KDM4B: variants seen among roughly 807,000 people sequenced by gnomAD.
KDM4B encodes lysine-specific demethylase 4B.
A neutral mutation model predicts 125.2 loss-of-function variants in KDM4B; 32 were observed. The observed-to-expected ratio is 0.26, with a 90% CI of 0.19 to 0.34. KDM4B has a LOEUF of 0.34. Ranked by LOEUF, KDM4B falls within the 10% of genes least tolerant of loss-of-function variation. The probability of loss-of-function intolerance (pLI) is 1.00; values close to 1 mark genes in which losing one functional copy is unlikely to be tolerated. For missense variants in KDM4B, 1,190 were observed against 1,577.7 expected (o/e 0.75, Z 4.16); for synonymous variants, 721 against 677.9 (o/e 1.06, Z -0.99).
chr19:5,052,755 C>T (rs182962719), intron 6 of KDM4B, among the ~76,000 whole-genome samples: 1 of 152,382 alleles, frequency 6.6e-6, no homozygotes, highest in Admixed American at 6.5e-5. Context: ...AGCTGGCGAG[C>T]CCGTCCCAGG....
intron 1 of KDM4B, among the ~76,000 whole-genome samples, chr19:5,005,952 C>T (rs2035543529): frequency 2.6e-5 from 4 of 152,132 alleles, no homozygotes; most frequent in African/African-American, 7.2e-5. Context: ...CAAGAGGTGG[C>T]TTCTCATCCC....
At chr19:5,060,437 A>AAAAAAAAAAAAC (rs2037553458) in intron 6 of KDM4B, among the ~76,000 whole-genome samples, 1 of 89,790 alleles carries the variant, frequency 1.1e-5, no homozygotes, top group Non-Finnish European at 2.0e-5. Flanking sequence ...TGTCTCCAAA[A>AAAAAAAAAAAAC]AAAAAAAAAA....
intron 1 of KDM4B, among the ~76,000 whole-genome samples, chr19:5,015,798 C>A (rs552450897): frequency 6.6e-6 from 1 of 152,376 alleles, no homozygotes; most frequent in East Asian, 1.9e-4. Context: ...AGTTCAACGC[C>A]TGGGCTGTGC....
At chr19:5,148,227 C>T (rs766571112) in intron 21 of KDM4B, among the ~76,000 whole-genome samples, 4 of 152,212 alleles carry the variant, frequency 2.6e-5, no homozygotes, top group Non-Finnish European at 4.4e-5. Flanking sequence ...AAGCAAACGC[C>T]GCCTTCAGAA....
In KDM4B at chr19:5,115,447, G is replaced by A. The variant is rs2039236740; in HGVS notation, c.1116-4206G>A. Among the ~76,000 whole-genome samples, 1 of 152,176 alleles carries A rather than the reference G, an allele frequency of 6.6e-6. No homozygotes were observed. The highest frequency in any genetic ancestry group is 1.5e-5 in the Non-Finnish European group (1 of 68,018). On this transcript the variant is annotated intron_variant, in intron 10 of 22. Transcript: ENST00000159111. The surrounding 1 kb of genome is among the most constrained non-coding windows in gnomAD (Gnocchi z 4.2). ...GGGTCCTCTGCCAGAGAACAAAGGGGCCCAGTGGAGCAAAGCCACATATGC... is the reference window on the plus strand; with the variant it reads ...GGGTCCTCTGCCAGAGAACAAAGGGACCCAGTGGAGCAAAGCCACATATGC...
intron 3 of KDM4B, among the ~76,000 whole-genome samples, chr19:5,036,436 C>T (rs974525945): frequency 2.6e-5 from 4 of 152,194 alleles, no homozygotes; most frequent in East Asian, 1.9e-4. Flanking sequence ...GGGGTGTCCC[C>T]GACCACTTGG....
At chr19:5,095,350 G>A (rs1341453278) in intron 9 of KDM4B, among the ~76,000 whole-genome samples, 2 of 152,224 alleles carry the variant, frequency 1.3e-5, no homozygotes, top group Non-Finnish European at 2.9e-5. Context: ...GCCGGTGGCT[G>A]TGTCTTCTCT....
intron 8 of KDM4B, chr19:5,077,853 C>G (rs2038168513): frequency 1.3e-5 from 3 of 230,924 alleles, no homozygotes; most frequent in African/African-American, 2.3e-5. Flanking sequence ...AGGTGGGAAC[C>G]TGGTTCCTAC....
chr19:5,002,492 CTTCT>C (rs1423997689), intron 1 of KDM4B, among the ~76,000 whole-genome samples: 1 of 148,172 alleles, frequency 6.7e-6, no homozygotes, highest in African/African-American at 2.5e-5. Flanking sequence ...TCTTTCCTTT[CTTCT>C]TTCTTTCTTT....
chr19:4,990,888 AGG>A (rs2035010560), intron 1 of KDM4B, among the ~76,000 whole-genome samples: 2 of 152,116 alleles, frequency 1.3e-5, no homozygotes, highest in Non-Finnish European at 2.9e-5. Flanking sequence ...TGGGAGTCTG[AGG>A]TGGGCGGACC....
intron 1 of KDM4B, among the ~76,000 whole-genome samples, chr19:4,980,382 C>A (rs982188252): frequency 6.6e-6 from 1 of 151,090 alleles, no homozygotes; most frequent in African/African-American, 2.4e-5. Context: ...CAAGGTGTAT[C>A]CACGCATGGC....
intron 6 of KDM4B, among the ~76,000 whole-genome samples, chr19:5,058,897 C>T (rs1480509091): frequency 1.3e-5 from 2 of 152,216 alleles, no homozygotes; most frequent in African/African-American, 2.4e-5. Flanking sequence ...GCATCCTGTC[C>T]CTGCCCACCG....
chr19:5,119,627 C>T, intron 10 of KDM4B, 26 bp from the exon 11 acceptor site: 7 of 1,549,046 alleles, frequency 4.5e-6, no homozygotes, highest in Middle Eastern at 1.7e-4. Context: ...GGTCTCCCCT[C>T]CTGCCTGATA....
chr19:4,981,250 T>C (rs1257079032), intron 1 of KDM4B, among the ~76,000 whole-genome samples: 5 of 152,190 alleles, frequency 3.3e-5, no homozygotes, highest in African/African-American at 9.6e-5. Context: ...TCCTGTAAGG[T>C]CACCCCTGGT....
In KDM4B at chr19:5,089,832, TTTG is replaced by T. The variant is rs1163681149; in HGVS notation, c.918+7338_918+7340del. 2.6e-5 allele frequency among the ~76,000 whole-genome samples: 4 copies of T among 151,934 alleles called. No individual in the cohort carries two copies. In the South Asian group the frequency reaches 6.2e-4, roughly 24 times the overall value. ...CCACAGTTCCCAAGTGGAAAAGGTT[TTTG>T]TTGTTGTTGCTTCGTTGGTTTGTTT... On this transcript the variant is annotated intron_variant, in intron 9 of 22. Transcript: ENST00000159111.
At chr19:5,059,339 G>A (rs982530754) in intron 6 of KDM4B, among the ~76,000 whole-genome samples, 5 of 152,218 alleles carry the variant, frequency 3.3e-5, no homozygotes, top group African/African-American at 4.8e-5. Context: ...GAAACGGGGC[G>A]GGCGCAGGAT....
intron 11 of KDM4B, among the ~76,000 whole-genome samples, chr19:5,121,378 G>A (rs2039358023): frequency 6.6e-6 from 1 of 152,190 alleles, no homozygotes; most frequent in Admixed American, 6.5e-5. Context: ...AAGGCATCGT[G>A]GGTAGAAGAG....
intron 2 of KDM4B, among the ~76,000 whole-genome samples, chr19:5,021,096 G>A (rs2145561019): frequency 6.6e-6 from 1 of 151,068 alleles, no homozygotes; most frequent in East Asian, 1.9e-4. Flanking sequence ...AGTGAGCTGA[G>A]ATCGCACCAC....
At chr19:5,047,779 C>A in intron 6 of KDM4B, 110 bp downstream of exon 6, 1 of 1,068,754 alleles carries the variant, frequency 9.4e-7, no homozygotes, top group Non-Finnish European at 1.4e-6. Flanking sequence ...CAGGTGAGGC[C>A]GCAAAGGTCG....
Sources: allele counts gnomAD v4.1 joint callset (sites outside exome capture counted in the v4.1 genomes callset), GRCh38; gene constraint gnomAD v4.1.1; non-coding constraint Gnocchi (gnomAD v3.1); transcripts MANE v1.5; gene names NCBI Gene and HGNC (gene_info 2026-07-23, HGNC 2026-07-21).